CTNNBL1: variants seen among roughly 807,000 people sequenced by gnomAD.
CTNNBL1 encodes catenin beta like 1, also known as beta-catenin-like protein 1.
A neutral mutation model predicts 72.7 loss-of-function variants in CTNNBL1; 31 were observed. The observed-to-expected ratio is 0.43, with a 90% CI of 0.32 to 0.58. CTNNBL1 has a LOEUF of 0.58. Ranked by LOEUF, CTNNBL1 falls within the 20% of genes least tolerant of loss-of-function variation. The probability of loss-of-function intolerance (pLI) is 0.08; values close to 1 mark genes in which losing one functional copy is unlikely to be tolerated. For missense variants in CTNNBL1, 534 were observed against 725.1 expected, an observed-to-expected ratio of 0.74 and a Z score of 3.03; for synonymous variants, 240 against 267.3, an observed-to-expected ratio of 0.90 and a Z score of 1.00.
chr20:37,772,669 C>A (rs971745124), intron 7 of CTNNBL1, among the ~76,000 whole-genome samples: 1 of 152,110 alleles, frequency 6.6e-6, no homozygotes, highest in Non-Finnish European at 1.5e-5. Context: ...TTAATAAGCC[C>A]TCAAGATGAT....
chr20:37,767,490 T>G (rs1457408230), intron 6 of CTNNBL1, among the ~76,000 whole-genome samples: 1 of 152,190 alleles, frequency 6.6e-6, no homozygotes, highest in Non-Finnish European at 1.5e-5. Context: ...ATATTCTTGC[T>G]TCCACCTGAT....
At chr20:37,717,809 C>CT (rs1420770546) in intron 1 of CTNNBL1, among the ~76,000 whole-genome samples, 1 of 152,074 alleles carries the variant, frequency 6.6e-6, no homozygotes, top group Non-Finnish European at 1.5e-5. Context: ...GGTGATGACT[C>CT]TTAAGGAGCA....
At chr20:37,722,128 A>T (rs941634203) in intron 1 of CTNNBL1, among the ~76,000 whole-genome samples, 3 of 151,894 alleles carry the variant, frequency 2.0e-5, no homozygotes, top group African/African-American at 7.3e-5. Flanking sequence ...GCTACTCATT[A>T]TTTTTTCTTC....
intron 13 of CTNNBL1, among the ~76,000 whole-genome samples, chr20:37,845,280 T>C (rs2072337697): frequency 1.3e-5 from 2 of 152,170 alleles, no homozygotes; most frequent in Non-Finnish European, 2.9e-5. Context: ...AGTTTGCACA[T>C]AGCTGTTAGG....
At chr20:37,828,869 GATGT>G (rs2072183890) in intron 11 of CTNNBL1, among the ~76,000 whole-genome samples, 1 of 152,184 alleles carries the variant, frequency 6.6e-6, no homozygotes. Flanking sequence ...CTGCTAGGCA[GATGT>G]CCATTATAAT....
chr20:37,712,578 G>A (rs1015671207), intron 1 of CTNNBL1, among the ~76,000 whole-genome samples: 2 of 152,220 alleles, frequency 1.3e-5, no homozygotes, highest in African/African-American at 4.8e-5. Context: ...GTAAGTGACT[G>A]CATTGAGCAG....
At chr20:37,821,120 G>A (rs980060739) in intron 11 of CTNNBL1, among the ~76,000 whole-genome samples, 2 of 152,144 alleles carry the variant, frequency 1.3e-5, no homozygotes, top group African/African-American at 4.8e-5. Context: ...TGACTGAGAT[G>A]CTCTTTTACC....
chr20:37,719,369 A>C (rs1005097088), intron 1 of CTNNBL1, among the ~76,000 whole-genome samples: 1 of 152,204 alleles, frequency 6.6e-6, no homozygotes, highest in Non-Finnish European at 1.5e-5. Flanking sequence ...AGTCTGATAC[A>C]GATGCCCCAT....
At chr20:37,804,507 C>T (rs2071935310) in intron 11 of CTNNBL1, among the ~76,000 whole-genome samples, 1 of 152,150 alleles carries the variant, frequency 6.6e-6, no homozygotes, top group Admixed American at 6.5e-5. Context: ...AACTTCCCTT[C>T]ACTGCATTTT....
At chr20:37,870,671 C>T (rs550525262) in intron 15 of CTNNBL1, among the ~76,000 whole-genome samples, 4 of 152,304 alleles carry the variant, frequency 2.6e-5, no homozygotes, top group South Asian at 4.1e-4. Flanking sequence ...ATGGTGTCCC[C>T]CACACAGCAT....
intron 15 of CTNNBL1, among the ~76,000 whole-genome samples, chr20:37,861,085 A>G (rs1483350125): frequency 1.3e-5 from 2 of 152,196 alleles, no homozygotes; most frequent in African/African-American, 4.8e-5. Context: ...GGTGGAGAGT[A>G]TGCCTGCCTT....
chr20:37,861,754 T>C lies in CTNNBL1; in HGVS notation c.1603+1410T>C, dbSNP rs1349926821. ...TTACCTCAAGCAAGATACCAGTTGC[T>C]CTGTGACCTCCTAGAAAGGGCAAGG... On this transcript the variant is annotated intron_variant, in intron 15 of 15. Coordinates refer to ENST00000361383, the MANE Select transcript of CTNNBL1 (RefSeq NM_030877.5). 1.3e-5 allele frequency among the ~76,000 whole-genome samples: 2 copies of C among 152,214 alleles called. 1 individual carries two copies. The highest frequency in any genetic ancestry group is 2.9e-5 in the Non-Finnish European group (2 of 68,032).
intron 1 of CTNNBL1, among the ~76,000 whole-genome samples, chr20:37,716,455 T>C (rs966827554): frequency 2.0e-5 from 3 of 152,136 alleles, no homozygotes; most frequent in African/African-American, 7.2e-5. Context: ...TGGGGAAGTA[T>C]TTCTGACACT....
intron 15 of CTNNBL1, among the ~76,000 whole-genome samples, chr20:37,860,850 T>G (rs763683594): frequency 5.3e-5 from 8 of 152,356 alleles, no homozygotes; most frequent in South Asian, 2.1e-4. Flanking sequence ...TGTTCTGTTT[T>G]ATTTAGTTAT....
intron 1 of CTNNBL1, among the ~76,000 whole-genome samples, chr20:37,694,619 A>G (rs1310396780): frequency 6.6e-6 from 1 of 152,178 alleles, no homozygotes; most frequent in Non-Finnish European, 1.5e-5. Flanking sequence ...TGGAGACACT[A>G]ATAACTGCCT....
intron 11 of CTNNBL1, among the ~76,000 whole-genome samples, chr20:37,803,891 G>T (rs1034623810): frequency 6.6e-6 from 1 of 151,830 alleles, no homozygotes; most frequent in Admixed American, 6.5e-5. Context: ...TGGTGGAATT[G>T]GCATGGGTAT....
intron 11 of CTNNBL1, among the ~76,000 whole-genome samples, chr20:37,833,570 G>C (rs979045642): frequency 9.9e-5 from 15 of 152,062 alleles, no homozygotes; most frequent in East Asian, 1.9e-4. Flanking sequence ...TGTTGCTTCT[G>C]TGTGTGTGTG....
intron 1 of CTNNBL1, among the ~76,000 whole-genome samples, chr20:37,700,327 T>A (rs1218275060): frequency 6.6e-6 from 1 of 152,196 alleles, no homozygotes; most frequent in Non-Finnish European, 1.5e-5. Flanking sequence ...AAAAATATCA[T>A]GCAGTGTCAA....
intron 11 of CTNNBL1, among the ~76,000 whole-genome samples, chr20:37,824,568 A>T (rs924179599): frequency 6.6e-6 from 1 of 152,218 alleles, no homozygotes; most frequent in African/African-American, 2.4e-5. Context: ...AGTAACAGAG[A>T]CTAGAAATAA....
Sources: allele counts gnomAD v4.1 joint callset (sites outside exome capture counted in the v4.1 genomes callset), GRCh38; gene constraint gnomAD v4.1.1; transcripts MANE v1.5; gene names NCBI Gene and HGNC (gene_info 2026-07-23, HGNC 2026-07-21).